The following GALNT7 variants were observed in gnomAD, a reference collection of about 807,000 sequenced individuals.
GALNT7 encodes the protein polypeptide N-acetylgalactosaminyltransferase 7, also known as N-acetylgalactosaminyltransferase 7.
In GALNT7, 60 loss-of-function variants were observed where a neutral mutation model predicts 82.1. That is an observed-to-expected ratio of 0.73 (90% CI 0.59 to 0.91). GALNT7 has a LOEUF of 0.91. GALNT7 is among the 40% of genes least tolerant of loss of function. GALNT7 has a pLI of 0.00. For synonymous variants in GALNT7, 243 were observed against 275.1 expected (o/e 0.88, Z 1.15); for missense variants, 660 against 804.2 (o/e 0.82, Z 2.17).
chr4:173,259,606 C>T (rs1735179210), intron 2 of GALNT7, among the ~76,000 whole-genome samples: 1 of 151,988 alleles, frequency 6.6e-6, no homozygotes, highest in African/African-American at 2.4e-5. Context: ...GAATTATCCT[C>T]CTTATTTCTT....
Position 173,292,856 on chromosome 4 carries a change from G to A in GALNT7, c.754+582G>A, listed in dbSNP as rs1378771542. Among the ~76,000 whole-genome samples the A allele has an allele frequency of 2.0e-5, 3 of 152,028 alleles. No homozygotes were observed. Among genetic ancestry groups the A allele is most frequent in the African/African-American group, 4.8e-5 (2 of 41,394 alleles). ...TTTAAAATTTTTAGCCATATCAAAT[G>A]CCTTTAGAGTAGAGGCTTTAAGATA... On this transcript the variant is annotated intron_variant, in intron 3 of 11. Coordinates refer to ENST00000265000, the MANE Select transcript of GALNT7 (RefSeq NM_017423.3). The surrounding 1 kb of genome is among the most constrained non-coding windows in gnomAD (Gnocchi z 4.8).
intron 2 of GALNT7, among the ~76,000 whole-genome samples, chr4:173,284,943 T>G (rs1292319900): frequency 1.3e-5 from 2 of 152,242 alleles, no homozygotes; most frequent in Non-Finnish European, 2.9e-5. Flanking sequence ...CAAGTTTTGC[T>G]GAAGAGTAGG....
At chr4:173,321,152 C>T (rs1274591702) in intron 11 of GALNT7, among the ~76,000 whole-genome samples, 1 of 152,112 alleles carries the variant, frequency 6.6e-6, no homozygotes, top group Non-Finnish European at 1.5e-5. Context: ...AGGGCATCTG[C>T]AGTGGCGATG....
intron 2 of GALNT7, among the ~76,000 whole-genome samples, chr4:173,289,681 A>G (rs1249804299): frequency 6.6e-6 from 1 of 152,134 alleles, no homozygotes; most frequent in East Asian, 1.9e-4. Flanking sequence ...GTTTCCATGG[A>G]GCCCACCATG....
At chr4:173,298,722 A>G (rs1171257341) in intron 6 of GALNT7, among the ~76,000 whole-genome samples, 3 of 152,240 alleles carry the variant, frequency 2.0e-5, no homozygotes, top group Admixed American at 2.0e-4. Context: ...CGTGGGTATA[A>G]TGTTAACAAT....
chr4:173,178,052 T>TGTGCGCGCGCGCGC (rs563102408), intron 1 of GALNT7, among the ~76,000 whole-genome samples: 42 of 129,518 alleles, frequency 3.2e-4, no homozygotes, highest in South Asian at 1.8e-3. Context: ...TGTGTGTGTG[T>TGTGCGCGCGCGCGC]GCGCGCACGC....
intron 2 of GALNT7, among the ~76,000 whole-genome samples, chr4:173,272,344 G>A (rs1023578062): frequency 2.0e-5 from 3 of 152,204 alleles, no homozygotes; most frequent in African/African-American, 4.8e-5. Context: ...GTTGACCATA[G>A]CTTACATGCA....
rs1279206319 is a variant in GALNT7 at position 173,248,457 on chromosome 4, T to C, written c.587+17T>C. The C allele has an allele frequency of 5.4e-6, 8 of 1,487,272 alleles. No homozygotes were observed. The African/African-American group carries it at 9.8e-5, about 18-fold the overall frequency. The allele number at this position is 1,487,272 out of a possible 1,614,324, so 92.1% of individuals were successfully genotyped here. On this transcript the variant is annotated intron_variant, in intron 2 of 11. Coordinates refer to ENST00000265000, the MANE Select transcript of GALNT7 (RefSeq NM_017423.3). ...CCAAGAAGAGTAAGCACACATCCTC[T>C]TCTTTCTAAAAATGGGGCAACTGTT...
intron 1 of GALNT7, among the ~76,000 whole-genome samples, chr4:173,219,507 C>T (rs1453114806): frequency 6.6e-6 from 1 of 152,084 alleles, no homozygotes; most frequent in Admixed American, 6.5e-5. Context: ...GGTACATACC[C>T]AGGTGTGGGA....
At chr4:173,297,731 A>T in intron 5 of GALNT7, 2 of 695,082 alleles carry the variant, frequency 2.9e-6, no homozygotes, top group Non-Finnish European at 4.3e-6. Context: ...GAGATAACGT[A>T]GTTAGGCATG....
At chr4:173,202,167 T>C (rs1043157855) in intron 1 of GALNT7, among the ~76,000 whole-genome samples, 3 of 152,202 alleles carry the variant, frequency 2.0e-5, no homozygotes, top group Non-Finnish European at 4.4e-5. Context: ...TGCTTCTGTA[T>C]TCTTGAAAAC....
intron 2 of GALNT7, among the ~76,000 whole-genome samples, chr4:173,261,960 T>G (rs1561179178): frequency 1.3e-5 from 2 of 152,166 alleles, no homozygotes; most frequent in African/African-American, 4.8e-5. Flanking sequence ...ATAATTTCAT[T>G]ACATATTACA....
intron 3 of GALNT7, among the ~76,000 whole-genome samples, chr4:173,293,907 G>C (rs1736625890): frequency 6.6e-6 from 1 of 152,190 alleles, no homozygotes; most frequent in Admixed American, 6.5e-5. Flanking sequence ...TTCTATGCGT[G>C]TGACTGATGT....
intron 8 of GALNT7, among the ~76,000 whole-genome samples, chr4:173,309,913 A>G (rs923482306): frequency 6.6e-6 from 1 of 152,240 alleles, no homozygotes; most frequent in Non-Finnish European, 1.5e-5. Context: ...TGAAAAGCCA[A>G]ATTGACTCAA....
chr4:173,292,041 T>C lies in GALNT7; in HGVS notation c.588-67T>C. On this transcript the variant is annotated intron_variant, in intron 2 of 11. Coordinates refer to ENST00000265000, the MANE Select transcript of GALNT7 (RefSeq NM_017423.3). This position sits in a 1 kb window ranked among gnomAD's most constrained non-coding sequence, Gnocchi z 4.8. ...TAGTATGTAATCCAATCAGCAAATA[T>C]AGTCAGCTTGGAGCCAAGCAGTATA... The C allele has an allele frequency of 1.0e-6, 1 of 1,002,404 alleles. No homozygotes were observed. Among genetic ancestry groups the C allele is most frequent in the East Asian group, 2.5e-5 (1 of 40,186 alleles). 62.1% of individuals were successfully genotyped at this position (1,002,404 alleles called of 1,614,324 possible).
At chr4:173,287,399 A>C (rs1736363251) in intron 2 of GALNT7, among the ~76,000 whole-genome samples, 1 of 152,258 alleles carries the variant, frequency 6.6e-6, no homozygotes, top group African/African-American at 2.4e-5. Context: ...ACGGCAGTGA[A>C]GTTGGGGCTT....
At chr4:173,294,517 A>G (rs1736651386) in intron 3 of GALNT7, among the ~76,000 whole-genome samples, 3 of 152,094 alleles carry the variant, frequency 2.0e-5, no homozygotes, top group Non-Finnish European at 2.9e-5. Context: ...AAATACAGCA[A>G]TTTTCCTGTG....
chr4:173,184,173 C>A (rs1404059787), intron 1 of GALNT7, among the ~76,000 whole-genome samples: 2 of 151,904 alleles, frequency 1.3e-5, no homozygotes, highest in South Asian at 2.1e-4. Flanking sequence ...CAGGCAGAGA[C>A]GCTCCTCACT....
At chr4:173,237,584 A>G (rs984184119) in intron 1 of GALNT7, among the ~76,000 whole-genome samples, 3 of 152,094 alleles carry the variant, frequency 2.0e-5, no homozygotes, top group Non-Finnish European at 4.4e-5. Flanking sequence ...TTAATTTCCT[A>G]TAAGGTTTTT....
Sources: gnomAD v4.1 joint callset for allele counts (sites outside exome capture counted in the v4.1 genomes callset) on GRCh38, gnomAD v4.1.1 for gene constraint, Gnocchi (gnomAD v3.1) non-coding constraint, MANE v1.5 for transcripts, NCBI Gene and HGNC (gene_info 2026-07-23, HGNC 2026-07-21) for gene names.